The following LAIR2 variants were observed in gnomAD, a reference collection of about 807,000 sequenced individuals.
The protein encoded by LAIR2 is leukocyte associated immunoglobulin like receptor 2, also known as leukocyte-associated immunoglobulin-like receptor 2.
Under a neutral mutation model 14.8 loss-of-function variants are expected in LAIR2, and 14 were observed. The observed-to-expected ratio is 0.95, with a 90% CI of 0.62 to 1.48. The LOEUF is 1.48. Ranked by LOEUF, LAIR2 falls within the 40% of genes most tolerant of loss-of-function variation. The probability of loss-of-function intolerance (pLI) is 0.00; values close to 1 mark genes in which losing one functional copy is unlikely to be tolerated. For missense variants in LAIR2, 172 were observed against 180.9 expected (o/e 0.95, Z 0.28); for synonymous variants, 75 against 74.5 (o/e 1.01, Z -0.03).
chr19:54,506,427 T>C (rs2085365346), intron 2 of LAIR2, among the ~76,000 whole-genome samples: 1 of 152,202 alleles, frequency 6.6e-6, no homozygotes, highest in Non-Finnish European at 1.5e-5. Flanking sequence ...TGAGGAATTT[T>C]CCCACTTTGA....
chr19:54,507,442 G>A (rs569518763), intron 2 of LAIR2, among the ~76,000 whole-genome samples: 78 of 152,210 alleles, frequency 5.1e-4, no homozygotes, highest in African/African-American at 1.8e-3. Context: ...AGTCCCACCC[G>A]GGGACCGGCC....
At chr19:54,503,820 G>A in intron 2 of LAIR2, 85 bp downstream of exon 2, 1 of 1,569,738 alleles carries the variant, frequency 6.4e-7, no homozygotes, top group South Asian at 1.1e-5. Context: ...GATTCTTAGA[G>A]GGCCTGGAGA....
intron 1 of LAIR2, among the ~76,000 whole-genome samples, chr19:54,503,427 T>C (rs780744702): frequency 6.7e-6 from 1 of 149,992 alleles, no homozygotes; most frequent in Admixed American, 6.7e-5. Flanking sequence ...CACTGCACTC[T>C]AGCGTGGGCG....
intron 2 of LAIR2, among the ~76,000 whole-genome samples, chr19:54,506,679 T>C (rs1437165110): frequency 2.0e-5 from 3 of 152,246 alleles, no homozygotes; most frequent in African/African-American, 7.2e-5. Context: ...GCAGGCATCC[T>C]GTATGTGTTT....
At chr19:54,507,008 A>G (rs916341368) in intron 2 of LAIR2, among the ~76,000 whole-genome samples, 2 of 151,968 alleles carry the variant, frequency 1.3e-5, no homozygotes, top group Non-Finnish European at 2.9e-5. Flanking sequence ...GTATACCTGT[A>G]TCAAAACATC....
chr19:54,503,146 G>C (rs919613412), intron 1 of LAIR2, among the ~76,000 whole-genome samples, 194 bp downstream of exon 1: 1 of 152,110 alleles, frequency 6.6e-6, no homozygotes, highest in African/African-American at 2.4e-5. Context: ...GGGCCCGGGT[G>C]TGGGGATGAG....
At chr19:54,503,597 T>C in intron 1 of LAIR2, 103 bp from the exon 2 acceptor site, 2 of 1,432,590 alleles carry the variant, frequency 1.4e-6, no homozygotes, top group Non-Finnish European at 2.0e-6. Context: ...TTGGTCGTTA[T>C]GAAATGCTGA....
chr19:54,508,229 C>G, intron 3 of LAIR2, 45 bp downstream of exon 3: 2 of 1,566,594 alleles, frequency 1.3e-6, no homozygotes, highest in Non-Finnish European at 1.7e-6. Context: ...GCTCGACCCT[C>G]GAGCTTGTCC....
At chr19:54,506,693 A>G (rs1483570802) in intron 2 of LAIR2, among the ~76,000 whole-genome samples, 2 of 152,200 alleles carry the variant, frequency 1.3e-5, no homozygotes, top group Non-Finnish European at 2.9e-5. Flanking sequence ...TGTGTTTCTC[A>G]CATTTGCGGA....
chr19:54,507,953 G>A lies in LAIR2; in HGVS notation c.133G>A (p.Val45Met). ...PGTVISPGSH[V>M]TFMCRGPVGV... is the part of the protein sequence containing the mutation. ...CACTGTGATCTCCCCGGGGAGCCAT[G>A]TGACTTTCATGTGCCGGGGCCCGGT... Residue 45 changes from valine (V) to methionine (M), a missense_variant, in exon 3 of 5, where the codon GTG (valine) becomes ATG (methionine). Around this residue, in one of 2 missense-constraint regions of LAIR2, gnomAD observed 161 missense variants for 149.0 expected, o/e 1.08. Coordinates refer to ENST00000301202, the MANE Select transcript of LAIR2 (RefSeq NM_002288.6). 1 of 1,614,164 alleles carries A rather than the reference G, an allele frequency of 6.2e-7. No homozygotes were observed. Among genetic ancestry groups the A allele is most frequent in the Non-Finnish European group, 8.5e-7 (1 of 1,180,000 alleles).
At chr19:54,506,069 C>T (rs10409178) in intron 2 of LAIR2, among the ~76,000 whole-genome samples, 14,765 of 152,170 alleles carry the variant, frequency 0.097, 831 homozygotes, top group Middle Eastern at 0.16. Flanking sequence ...AGGTGAGCCG[C>T]CCACCTCGGC....
At position 54,508,195 on chromosome 19, in the gene LAIR2, C is replaced by T. The variant is rs1434556994; in HGVS notation, c.364+11C>T. On this transcript the variant is annotated intron_variant, in intron 3 of 4. Coordinates refer to ENST00000301202, the MANE Select transcript of LAIR2 (RefSeq NM_002288.6). ...AGCTGCTGGTGAAAGGTGAGGACGT[C>T]ACCTGGGCCCTGCCCCAGTCTCAGC... 1 of 1,602,794 alleles carries T rather than the reference C, an allele frequency of 6.2e-7. No homozygotes were observed. The highest frequency in any genetic ancestry group is 8.5e-7 in the Non-Finnish European group (1 of 1,174,204).
Position 54,502,965 on chromosome 19 carries a change from G to C in LAIR2, c.34+13G>C, listed in dbSNP as rs2085301921. The C allele has an allele frequency of 1.2e-6, 2 of 1,611,684 alleles. No individual in the cohort carries two copies. The highest frequency in any genetic ancestry group is 1.7e-6 in the Non-Finnish European group (2 of 1,178,726). ...CTCCTGGGCCTAGGTGAGTCCTGGA[G>C]GGAGCGGGAAGGACTGGAAAGGGGG... On this transcript the variant is annotated intron_variant, in intron 1 of 4. Coordinates refer to ENST00000301202, the MANE Select transcript of LAIR2 (RefSeq NM_002288.6).
Position 54,508,344 on chromosome 19 carries a change from T to G in LAIR2, c.364+160T>G, listed in dbSNP as rs182849241. Among the ~76,000 whole-genome samples, 322 of 151,774 alleles carry G rather than the reference T, an allele frequency of 2.1e-3. 1 individual carries two copies. The highest frequency in any genetic ancestry group is 3.6e-3 in the Non-Finnish European group (242 of 67,884). ...CTCCCCTTCTTCCTCTGCACACACC[T>G]CCCCTCTGCCCTCACACCTGCTTAG... On this transcript the variant is annotated intron_variant, in intron 3 of 4. Coordinates refer to ENST00000301202, the MANE Select transcript of LAIR2 (RefSeq NM_002288.6).
At chr19:54,504,147 G>C (rs2085323996) in intron 2 of LAIR2, among the ~76,000 whole-genome samples, 1 of 145,644 alleles carries the variant, frequency 6.9e-6, no homozygotes, top group Non-Finnish European at 1.5e-5. Context: ...TGTATTTTTA[G>C]AAGAGATGGG....
At chr19:54,504,196 C>T (rs57328593) in intron 2 of LAIR2, among the ~76,000 whole-genome samples, 1 of 151,426 alleles carries the variant, frequency 6.6e-6, no homozygotes, top group Non-Finnish European at 1.5e-5. Flanking sequence ...GAACTCCTTA[C>T]CTTATGATCC....
intron 1 of LAIR2, among the ~76,000 whole-genome samples, chr19:54,503,382 C>T (rs1167461258): frequency 2.6e-5 from 4 of 151,790 alleles, no homozygotes; most frequent in Non-Finnish European, 2.9e-5. Flanking sequence ...TGCTTGAACC[C>T]GGGAGGTGGA....
Position 54,505,489 on chromosome 19 carries a change from C to T in LAIR2, c.70+1754C>T, listed in dbSNP as rs568089138. On this transcript the variant is annotated intron_variant, in intron 2 of 4. Transcript: ENST00000301202. ...GAGGCCGGCCTCAGCCTGTCCATGC[C>T]ACTGCTGCCTGCTCCCTTCCTGACC... Among the ~76,000 whole-genome samples, 559 of 152,242 alleles carry T rather than the reference C, an allele frequency of 3.7e-3. 6 individuals are homozygous for T. Among genetic ancestry groups the T allele is most frequent in the African/African-American group, 0.012 (501 of 41,516 alleles).
At chr19:54,504,772 G>T (rs1457658965) in intron 2 of LAIR2, among the ~76,000 whole-genome samples, 2 of 152,022 alleles carry the variant, frequency 1.3e-5, no homozygotes, top group Non-Finnish European at 2.9e-5. Context: ...ACCACGCCCA[G>T]CTAATTTTTG....
Sources: gnomAD v4.1 joint callset for allele counts (sites outside exome capture counted in the v4.1 genomes callset) on GRCh38, gnomAD v4.1.1 for gene constraint, gnomAD v4.1.1 regional missense constraint, MANE v1.5 for transcripts, NCBI Gene and HGNC (gene_info 2026-07-23, HGNC 2026-07-21) for gene names.